Variants in RNF20 observed in about 807,000 individuals in gnomAD.
RNF20 encodes ring finger protein 20.
Under a neutral mutation model 126.2 loss-of-function variants are expected in RNF20, and 84 were observed. The observed-to-expected ratio is 0.67, with a 90% CI of 0.56 to 0.80. The LOEUF (loss-of-function observed/expected upper bound fraction) is 0.80, where lower values mean the gene tolerates loss of function less well. Ranked by LOEUF, RNF20 falls within the 30% of genes least tolerant of loss-of-function variation. The pLI is 0.00. For synonymous variants in RNF20, 400 were observed against 414.3 expected (o/e 0.97, Z 0.42); for missense variants, 869 against 1,188.2 (o/e 0.73, Z 3.95).
intron 18 of RNF20, 82 bp from the exon 19 acceptor site, chr9:101,561,828 A>G (rs1243309633): frequency 1.1e-6 from 1 of 932,134 alleles, no homozygotes; most frequent in Admixed American, 1.7e-5. Flanking sequence ...TCTTTTCACA[A>G]CAGAAAACTC....
rs1245087207 is a variant in RNF20, at chr9:101,550,659, C to T, written c.1146C>T (p.Arg382=). The T allele has an allele frequency of 5.0e-6, 8 of 1,614,010 alleles. No homozygotes were observed. The highest frequency in any genetic ancestry group is 6.8e-6 in the Non-Finnish European group (8 of 1,180,008). The part of the protein sequence containing the change: ...EQVVKETPEY[R]CMQSQFSVLY... ...TCGTTAAGGAAACTCCAGAATATCGCTGCATGCAGTCACAGTTCTCCGTCT... is the reference window on the plus strand; with the variant it reads ...TCGTTAAGGAAACTCCAGAATATCGTTGCATGCAGTCACAGTTCTCCGTCT... The change falls in exon 10 of 20, where the codon CGC becomes CGT. Residue 382 remains arginine (R), a synonymous_variant. Coordinates refer to ENST00000389120, the MANE Select transcript of RNF20 (RefSeq NM_019592.7).
Position 101,540,936 on chromosome 9 carries a change from GAAA to G in RNF20, c.592_594del (p.Lys198del). 6.2e-7 allele frequency: 1 copy of G among 1,614,074 alleles called. No homozygotes were observed. The highest frequency in any genetic ancestry group is 8.5e-7 in the Non-Finnish European group (1 of 1,179,982). On this transcript the variant is annotated inframe_deletion, in exon 5 of 20. Coordinates refer to ENST00000389120, the MANE Select transcript of RNF20 (RefSeq NM_019592.7). ...TGTGACTGTTTATGATAAATTGCAA[GAAA>G]AAGTGGAGCTCTTATCCCGGAAGCT...
intron 7 of RNF20, 84 bp downstream of exon 7, chr9:101,547,050 G>A: frequency 6.2e-7 from 1 of 1,602,596 alleles, no homozygotes; most frequent in Non-Finnish European, 8.5e-7. Context: ...TGGTATTTGA[G>A]GAAAAAATCT....
At chr9:101,543,468 A>AGCACTGTCTAACCTGCCAAGGCG (rs374788748) in intron 5 of RNF20, among the ~76,000 whole-genome samples, 6,891 of 145,772 alleles carry the variant, frequency 0.047, 262 homozygotes, top group Non-Finnish European at 0.065. Context: ...CTGCCAAGGC[A>AGCACTGTCTAACCTGCCAAGGCG]GCACTGTCTA....
chr9:101,545,978 G>C (rs925866482), intron 6 of RNF20, among the ~76,000 whole-genome samples: 1 of 152,146 alleles, frequency 6.6e-6, no homozygotes, highest in African/African-American at 2.4e-5. Context: ...TCTCAGGATG[G>C]TTGGAATTTT....
At chr9:101,553,768 A>G (rs1827486387) in intron 13 of RNF20, among the ~76,000 whole-genome samples, 1 of 152,192 alleles carries the variant, frequency 6.6e-6, no homozygotes, top group African/African-American at 2.4e-5. Flanking sequence ...GAGGACTTTG[A>G]AGGGAGAAAT....
At chr9:101,552,099 C>T in intron 11 of RNF20, 42 bp from the exon 12 acceptor site, 1 of 1,613,694 alleles carries the variant, frequency 6.2e-7, no homozygotes. Flanking sequence ...TGCCTTTGCC[C>T]TTACCACGGT....
chr9:101,534,494 G>A (rs1827152348), intron 1 of RNF20, among the ~76,000 whole-genome samples: 1 of 152,162 alleles, frequency 6.6e-6, no homozygotes, highest in Non-Finnish European at 1.5e-5. Flanking sequence ...CACTGCAAAC[G>A]TTAAAGAAGA....
intron 5 of RNF20, among the ~76,000 whole-genome samples, chr9:101,543,560 G>GGCGGCACTGTCTAACCTGCCAGA (rs1207612164): frequency 6.9e-6 from 1 of 145,566 alleles, no homozygotes. Flanking sequence ...AACCTGCCAG[G>GGCGGCACTGTCTAACCTGCCAGA]GCGGCACTGT....
intron 9 of RNF20, among the ~76,000 whole-genome samples, chr9:101,548,289 T>A (rs1289394528): frequency 2.0e-5 from 3 of 152,108 alleles, no homozygotes; most frequent in Admixed American, 6.6e-5. Context: ...AAAGTCAAAA[T>A]CTTGGAAGCA....
chr9:101,558,388 T>C (rs918911181), intron 16 of RNF20, among the ~76,000 whole-genome samples: 1 of 152,006 alleles, frequency 6.6e-6, no homozygotes, highest in Non-Finnish European at 1.5e-5. Flanking sequence ...TGAGTAGTAT[T>C]CCATGGCGTG....
chr9:101,543,464 A>AGGC (rs1827291379), intron 5 of RNF20, among the ~76,000 whole-genome samples: 24 of 130,066 alleles, frequency 1.8e-4, no homozygotes, highest in Admixed American at 3.9e-4. Context: ...TAACCTGCCA[A>AGGC]GGCAGCACTG....
chr9:101,558,208 A>G (rs1588226709), intron 16 of RNF20, among the ~76,000 whole-genome samples: 1 of 151,866 alleles, frequency 6.6e-6, no homozygotes, highest in Non-Finnish European at 1.5e-5. Flanking sequence ...ACCAAAGTTT[A>G]TTGTATCATT....
At chr9:101,558,986 TAGA>T (rs781466395) in intron 16 of RNF20, among the ~76,000 whole-genome samples, 4 of 152,172 alleles carry the variant, frequency 2.6e-5, no homozygotes, top group Non-Finnish European at 5.9e-5. Flanking sequence ...AGCCATTGTC[TAGA>T]AGGATTTTTC....
rs765034990 is a variant in RNF20, at chr9:101,552,228, G to A, written c.1496G>A (p.Arg499Gln). The A allele has an allele frequency of 2.4e-5, 39 of 1,614,014 alleles. No individual in the cohort carries two copies. The highest frequency in any genetic ancestry group is 2.8e-5 in the Non-Finnish European group (33 of 1,180,022). The change falls in exon 12 of 20, where the codon CGG becomes CAG. Residue 499 changes from arginine to glutamine, a missense_variant. This residue lies in a region of RNF20 where 231 missense variants were observed against 263.6 expected (regional missense o/e 0.88). Transcript: ENST00000389120. ...QLKGEVLRYK[R>Q]KLREAQSDLN... Reference sequence around the variant, plus strand: ...AAAGGGGAGGTCCTGAGATATAAGCGGAAATTGAGAGAAGCCCAGTCTGAC... The same window carrying A: ...AAAGGGGAGGTCCTGAGATATAAGCAGAAATTGAGAGAAGCCCAGTCTGAC...
At chr9:101,534,970 C>T (rs907981392) in intron 1 of RNF20, among the ~76,000 whole-genome samples, 2 of 148,538 alleles carry the variant, frequency 1.3e-5, no homozygotes, top group African/African-American at 5.0e-5. Context: ...TGCTGTGGTG[C>T]GATCTCGGCT....
chr9:101,553,891 C>G lies in RNF20; in HGVS notation c.1902-97C>G, dbSNP rs111462283. On this transcript the variant is annotated intron_variant, in intron 13 of 19. Transcript: ENST00000389120. ...GTGTGATATGAAATGTAAAATGAAA[C>G]TGTTTTAAAATATTCTGCTCAATCA... The G allele has an allele frequency of 1.7e-4, 108 of 642,176 alleles. 2 individuals are homozygous for G. Among genetic ancestry groups the G allele is most frequent in the African/African-American group, 1.6e-3 (86 of 54,146 alleles). The allele number at this position is 642,176 out of a possible 1,614,324, so 39.8% of individuals were successfully genotyped here.
intron 10 of RNF20, among the ~76,000 whole-genome samples, 196 bp from the exon 11 acceptor site, chr9:101,551,488 A>T (rs1440097545): frequency 6.6e-6 from 1 of 152,148 alleles, no homozygotes; most frequent in Non-Finnish European, 1.5e-5. Context: ...CTCCAACTAA[A>T]TTCTAATATT....
chr9:101,550,874 T>C (rs993170769), intron 10 of RNF20, 89 bp downstream of exon 10: 1 of 1,147,102 alleles, frequency 8.7e-7, no homozygotes, highest in Admixed American at 1.7e-5. Context: ...TAATCTCTCA[T>C]TCATTCAGCT....
Sources: allele counts gnomAD v4.1 joint callset (sites outside exome capture counted in the v4.1 genomes callset), GRCh38; gene constraint gnomAD v4.1.1; regional missense constraint gnomAD v4.1.1; transcripts MANE v1.5; gene names NCBI Gene and HGNC (gene_info 2026-07-23, HGNC 2026-07-21).